The following CELF2 variants were observed in gnomAD, a reference collection of about 807,000 sequenced individuals.
CELF2 encodes CUGBP Elav-like family member 2.
CELF2 carries 8 observed loss-of-function variants against 62.6 expected under a neutral mutation model. The ratio of observed to expected loss-of-function variants is 0.13; its 90% CI spans 0.07 to 0.23. CELF2 has a LOEUF of 0.23. CELF2 is among the 10% of genes least tolerant of loss of function. The pLI, the probability that CELF2 is intolerant of heterozygous loss-of-function variation, is 1.00. For missense variants in CELF2, 333 were observed against 671.0 expected, an observed-to-expected ratio of 0.50 and a Z score of 5.56; for synonymous variants, 258 against 250.0, an observed-to-expected ratio of 1.03 and a Z score of -0.30.
At chr10:10,522,643 C>T in the CELF2 span, among the ~76,000 whole-genome samples, 3 of 152,148 alleles carry the variant, frequency 2.0e-5, no homozygotes, top group Admixed American at 2.0e-4. Flanking sequence ...AATCTTGGCT[C>T]ACAGCAACCT....
chr10:10,599,018 C>G, the CELF2 span, among the ~76,000 whole-genome samples: 7 of 151,968 alleles, frequency 4.6e-5, no homozygotes, highest in Non-Finnish European at 7.4e-5. Flanking sequence ...TCCCAAAATG[C>G]TGGGATTACA....
chr10:10,822,575 A>G (rs529205734), intron 1 of CELF2, among the ~76,000 whole-genome samples: 2 of 152,324 alleles, frequency 1.3e-5, no homozygotes, highest in East Asian at 3.9e-4. Context: ...CAGAAGTTCA[A>G]CCTTCAGTTT....
At chr10:10,691,212 T>G in the CELF2 span, among the ~76,000 whole-genome samples, 1 of 151,524 alleles carries the variant, frequency 6.6e-6, no homozygotes, top group East Asian at 2.0e-4. Context: ...TGTGTCCATG[T>G]GATCTCATTG....
the CELF2 span, among the ~76,000 whole-genome samples, chr10:10,755,884 T>G: frequency 2.6e-5 from 4 of 152,258 alleles, no homozygotes; most frequent in South Asian, 2.1e-4. Context: ...ACAACCCAAA[T>G]TCCAACTTGC....
chr10:10,911,755 G>A (rs1014933875), intron 1 of CELF2, among the ~76,000 whole-genome samples: 13 of 152,226 alleles, frequency 8.5e-5, no homozygotes, highest in Admixed American at 5.2e-4. Flanking sequence ...GGTAGAGAAA[G>A]TTTCGTTCCT....
intron 3 of CELF2, among the ~76,000 whole-genome samples, chr10:11,219,409 AG>A (rs2064168396): frequency 1.3e-5 from 2 of 152,346 alleles, no homozygotes; most frequent in African/African-American, 4.8e-5. Flanking sequence ...TGTAGAATTC[AG>A]GGGAGGTGAT....
At chr10:11,107,625 C>G (rs1462858854) in intron 1 of CELF2, among the ~76,000 whole-genome samples, 1 of 151,982 alleles carries the variant, frequency 6.6e-6, no homozygotes, top group Non-Finnish European at 1.5e-5. Context: ...TACCTCACTT[C>G]CATTTTAAAG....
intron 1 of CELF2, among the ~76,000 whole-genome samples, chr10:11,151,376 C>A (rs538016284): frequency 9.9e-5 from 15 of 151,980 alleles, no homozygotes; most frequent in Non-Finnish European, 1.9e-4. Context: ...GGGAAAGAGA[C>A]GAGGGAGTGT....
Position 11,333,877 on chromosome 10 carries a change from T to C in CELF2, c.*4824T>C, listed in dbSNP as rs1257604588. On this transcript the variant is annotated 3_prime_UTR_variant, in exon 13 of 13. Coordinates refer to ENST00000633077, the MANE Select transcript of CELF2 (RefSeq NM_001326342.2). The stretch of plus-strand genomic sequence containing the variant: ...ATGCATTTTGTACCAGTGGAACTTT[T>C]TATACTGGAGATTAAAAAAAAAATG... 1 of 152,294 alleles carries C rather than the reference T, an allele frequency of 6.6e-6. No individual in the cohort carries two copies. The highest frequency in any genetic ancestry group is 1.5e-5 in the Non-Finnish European group (1 of 68,032). 9.4% of individuals were successfully genotyped at this position (152,294 alleles called of 1,614,324 possible).
chr10:10,743,465 A>T, the CELF2 span, among the ~76,000 whole-genome samples: 8 of 152,324 alleles, frequency 5.3e-5, no homozygotes, highest in East Asian at 7.7e-4. Context: ...AAATGGCTGC[A>T]TTTAGAATTG....
At chr10:11,287,384 A>T (rs941229144) in intron 8 of CELF2, among the ~76,000 whole-genome samples, 8 of 152,238 alleles carry the variant, frequency 5.3e-5, no homozygotes, top group African/African-American at 1.7e-4. Context: ...AGCGGGCTAC[A>T]GGGAGAAAAG....
the CELF2 span, among the ~76,000 whole-genome samples, chr10:10,695,321 G>A: frequency 7.0e-6 from 1 of 143,800 alleles, no homozygotes; most frequent in East Asian, 1.9e-4. Flanking sequence ...CTTTAAGAAT[G>A]TTGAATATTG....
the CELF2 span, among the ~76,000 whole-genome samples, chr10:10,712,147 C>CAAAAAAAA: frequency 0.026 from 1,129 of 43,366 alleles, 176 homozygotes; most frequent in African/African-American, 0.076. Context: ...AGGATAGAGA[C>CAAAAAAAA]AAAAAAAAAA....
At chr10:10,659,939 G>T in the CELF2 span, among the ~76,000 whole-genome samples, 5 of 152,326 alleles carry the variant, frequency 3.3e-5, no homozygotes, top group Non-Finnish European at 5.9e-5. Flanking sequence ...AGGCACAAGG[G>T]TCAGAGAGAG....
chr10:10,606,145 G>GC, the CELF2 span, among the ~76,000 whole-genome samples: 207 of 152,252 alleles, frequency 1.4e-3, 1 homozygote, highest in African/African-American at 4.7e-3. Flanking sequence ...AAACAAAGGG[G>GC]TAGAAGGATT....
At chr10:10,506,269 C>CGTGTGTGTGTGT in the CELF2 span, among the ~76,000 whole-genome samples, 342 of 146,808 alleles carry the variant, frequency 2.3e-3, 2 homozygotes, top group East Asian at 4.1e-3. Context: ...AGATGCACTT[C>CGTGTGTGTGTGT]GTGTGTGTGT....
At chr10:11,123,967 G>A (rs2058231050) in intron 1 of CELF2, among the ~76,000 whole-genome samples, 1 of 152,138 alleles carries the variant, frequency 6.6e-6, no homozygotes, top group Non-Finnish European at 1.5e-5. Flanking sequence ...AGTTCCACAT[G>A]GCTGGGGAGG....
At chr10:10,697,661 A>G in the CELF2 span, among the ~76,000 whole-genome samples, 1 of 152,126 alleles carries the variant, frequency 6.6e-6, no homozygotes, top group Non-Finnish European at 1.5e-5. Context: ...ACATGGCAAA[A>G]GGACGCTAGC....
chr10:10,610,333 C>T, the CELF2 span, among the ~76,000 whole-genome samples: 7,459 of 152,244 alleles, frequency 0.049, 544 homozygotes, highest in African/African-American at 0.16. Flanking sequence ...CATCTTCACA[C>T]GCTCTCTCCC....
Sources: allele counts gnomAD v4.1 joint callset (sites outside exome capture counted in the v4.1 genomes callset), GRCh38; gene constraint gnomAD v4.1.1; transcripts MANE v1.5; gene names NCBI Gene and HGNC (gene_info 2026-07-23, HGNC 2026-07-21).